EVL: variants seen among roughly 807,000 people sequenced by gnomAD.
EVL encodes Enah/Vasp-like, also known as ena/VASP-like protein.
A neutral mutation model predicts 59.6 loss-of-function variants in EVL; 21 were observed. That is an observed-to-expected ratio of 0.35 (90% CI 0.25 to 0.51). The LOEUF (loss-of-function observed/expected upper bound fraction) is 0.51. Ranked by LOEUF, EVL falls within the 20% of genes least tolerant of loss-of-function variation. The probability of loss-of-function intolerance (pLI) is 0.97; values close to 1 mark genes in which losing one functional copy is unlikely to be tolerated. For missense variants in EVL, 462 were observed against 546.6 expected, an observed-to-expected ratio of 0.85 and a Z score of 1.54; for synonymous variants, 198 against 203.5, an observed-to-expected ratio of 0.97 and a Z score of 0.23.
chr14:100,062,546 T>C (rs1226210969), upstream of EVL, among the ~76,000 whole-genome samples: 1 of 151,974 alleles, frequency 6.6e-6, no homozygotes, highest in African/African-American at 2.4e-5. Flanking sequence ...CAGAAACAGA[T>C]GAGACAAACA....
intron 1 of EVL, among the ~76,000 whole-genome samples, chr14:100,030,124 T>C (rs1190985): frequency 0.38 from 57,365 of 149,722 alleles, 14,377 homozygotes; most frequent in African/African-American, 0.71. Flanking sequence ...TGGAGTTTCG[T>C]TCTTGTTGCC....
intron 1 of EVL, among the ~76,000 whole-genome samples, chr14:100,024,504 T>C (rs898188578): frequency 1.3e-5 from 2 of 152,158 alleles, no homozygotes; most frequent in Non-Finnish European, 2.9e-5. Flanking sequence ...AGAACCTTGA[T>C]CATTGAATAC....
chr14:100,099,437 A>T lies in EVL; in HGVS notation c.358+1779A>T, dbSNP rs188083593. On this transcript the variant is annotated intron_variant, in intron 3 of 13. Transcript: ENST00000392920. Reference sequence around the variant, plus strand: ...TTTTGTGGTTTTTTTAAGTAAATAAAGAACATGTTTTGAACATGCTTCCCA... The same window carrying T: ...TTTTGTGGTTTTTTTAAGTAAATAATGAACATGTTTTGAACATGCTTCCCA... Among the ~76,000 whole-genome samples, 162 of 152,150 alleles carry T rather than the reference A, an allele frequency of 1.1e-3. 1 individual carries two copies. Among genetic ancestry groups the T allele is most frequent in the African/African-American group, 3.8e-3 (159 of 41,560 alleles).
At chr14:100,017,110 C>G (rs1381484914) in intron 1 of EVL, among the ~76,000 whole-genome samples, 1 of 152,228 alleles carries the variant, frequency 6.6e-6, no homozygotes, top group Non-Finnish European at 1.5e-5. Flanking sequence ...TGACCCTGGA[C>G]AAGTTACTTA....
intron 3 of EVL, among the ~76,000 whole-genome samples, chr14:100,113,210 G>A (rs1887114996): frequency 6.6e-6 from 1 of 152,114 alleles, no homozygotes; most frequent in South Asian, 2.1e-4. Flanking sequence ...CTGCCATCTT[G>A]GATGCATGCG....
chr14:100,064,636 C>A (rs1319564916), upstream of EVL, among the ~76,000 whole-genome samples: 30 of 152,184 alleles, frequency 2.0e-4, 1 homozygote, highest in Admixed American at 2.0e-3. Context: ...AGTGGCCTGG[C>A]GCGGTGGCTC....
chr14:100,006,002 G>A (rs1484809710), intron 1 of EVL, among the ~76,000 whole-genome samples: 2 of 80,512 alleles, frequency 2.5e-5, no homozygotes, highest in Non-Finnish European at 4.6e-5. Flanking sequence ...CCCTTTTGCT[G>A]GCCATTTCCC....
At position 100,108,234 on chromosome 14, in the gene EVL, C is replaced by G. The variant is rs1002916669; in HGVS notation, c.358+10576C>G. On this transcript the variant is annotated intron_variant, in intron 3 of 13. Transcript: ENST00000392920. The surrounding 1 kb of genome is among the most constrained non-coding windows in gnomAD (Gnocchi z 4.1). ...GAAGAGTCAGGCCCAGCTCCATGTG[C>G]TCTTTGGAGGGGAGTGGAAGGTTGT... 3 of 152,190 alleles carry G rather than the reference C, an allele frequency of 2.0e-5. No individual in the cohort carries two copies. Among genetic ancestry groups the G allele is most frequent in the African/African-American group, 7.2e-5 (3 of 41,430 alleles). 9.4% of individuals were successfully genotyped at this position (152,190 alleles called of 1,614,324 possible).
intron 1 of EVL, among the ~76,000 whole-genome samples, chr14:99,984,615 GTTA>G (rs955742454): frequency 6.6e-6 from 1 of 151,996 alleles, no homozygotes; most frequent in Non-Finnish European, 1.5e-5. Flanking sequence ...TTACTGATAT[GTTA>G]TTATTATCAT....
At chr14:99,999,964 CT>C (rs1170698546) in intron 1 of EVL, among the ~76,000 whole-genome samples, 1 of 152,150 alleles carries the variant, frequency 6.6e-6, no homozygotes, top group Non-Finnish European at 1.5e-5. Context: ...TTTAGAAGTG[CT>C]TTTTGTTTGC....
chr14:100,073,520 G>A (rs1460940797), intron 1 of EVL, among the ~76,000 whole-genome samples: 1 of 151,998 alleles, frequency 6.6e-6, no homozygotes, highest in Non-Finnish European at 1.5e-5. Context: ...GACAGGATCT[G>A]TGTTGCCCAG....
At chr14:100,001,624 C>G (rs2060946873) in intron 1 of EVL, among the ~76,000 whole-genome samples, 1 of 152,140 alleles carries the variant, frequency 6.6e-6, no homozygotes, top group Non-Finnish European at 1.5e-5. Flanking sequence ...AAAGACAAGC[C>G]CAGCCGTGGA....
At chr14:100,040,726 C>G (rs1035630820) in intron 1 of EVL, among the ~76,000 whole-genome samples, 2 of 152,156 alleles carry the variant, frequency 1.3e-5, no homozygotes, top group Admixed American at 1.3e-4. Context: ...CCTTTATTGC[C>G]TGTGTTTTTG....
intron 1 of EVL, among the ~76,000 whole-genome samples, chr14:99,993,540 G>A (rs1251317696): frequency 3.9e-5 from 6 of 151,960 alleles, no homozygotes; most frequent in Non-Finnish European, 4.4e-5. Context: ...TCAATTCTTC[G>A]GAAGAGTTTG....
At chr14:100,087,568 C>T (rs1386532731) in intron 2 of EVL, among the ~76,000 whole-genome samples, 1 of 152,130 alleles carries the variant, frequency 6.6e-6, no homozygotes, top group Non-Finnish European at 1.5e-5. Flanking sequence ...AAGCCGTGGT[C>T]GCGCCACTGC....
At chr14:100,140,887 A>C in intron 11 of EVL, 1 of 319,870 alleles carries the variant, frequency 3.1e-6, no homozygotes, top group South Asian at 7.2e-5. Context: ...GTTGTCACTT[A>C]AGTTGCCACC....
rs965339727 is a variant in EVL, at chr14:99,971,838, G to A, written c.-215G>A. On this transcript the variant is annotated 5_prime_UTR_variant, in exon 1 of 14. Transcript: ENST00000402714. ...AGATGGCAGGGGCCGGGGCCCAGCT[G>A]TCAGTCGCCGCCGCCGCGGCCCTTC... 4 of 146,898 alleles carry A rather than the reference G, an allele frequency of 2.7e-5. No homozygotes were observed. The South Asian group carries it at 5.8e-4, about 21-fold the overall frequency. 9.1% of individuals were successfully genotyped at this position (146,898 alleles called of 1,614,324 possible).
intron 1 of EVL, among the ~76,000 whole-genome samples, chr14:100,068,273 G>C (rs893253510): frequency 6.6e-6 from 1 of 152,158 alleles, no homozygotes; most frequent in African/African-American, 2.4e-5. Context: ...GGTTTGGTGG[G>C]TTCAAGGGTC....
At chr14:100,044,597 T>C (rs1407284477) in intron 1 of EVL, among the ~76,000 whole-genome samples, 3 of 152,108 alleles carry the variant, frequency 2.0e-5, no homozygotes, top group Admixed American at 6.6e-5. Context: ...AAATAGACCA[T>C]TGTAATTACA....
Sources: allele counts gnomAD v4.1 joint callset (sites outside exome capture counted in the v4.1 genomes callset), GRCh38; gene constraint gnomAD v4.1.1; non-coding constraint Gnocchi (gnomAD v3.1); transcripts MANE v1.5; gene names NCBI Gene and HGNC (gene_info 2026-07-23, HGNC 2026-07-21).